The following DPP6 variants were observed in gnomAD, a reference collection of about 807,000 sequenced individuals.
DPP6 encodes the protein A-type potassium channel modulatory protein DPP6.
A neutral mutation model predicts 122.6 loss-of-function variants in DPP6; 69 were observed. The observed-to-expected ratio is 0.56, with a 90% confidence interval of 0.46 to 0.69. The LOEUF is 0.69. Ranked by LOEUF, DPP6 falls within the 30% of genes least tolerant of loss-of-function variation. DPP6 has a pLI of 0.00. For synonymous variants in DPP6, 418 were observed against 433.1 expected, an observed-to-expected ratio of 0.97 and a Z score of 0.43; for missense variants, 928 against 1,116.9, an observed-to-expected ratio of 0.83 and a Z score of 2.41.
At chr7:154,203,726 C>T (rs1461645926) in intron 1 of DPP6, among the ~76,000 whole-genome samples, 1 of 152,184 alleles carries the variant, frequency 6.6e-6, no homozygotes, top group African/African-American at 2.4e-5. Context: ...AGGCCTCTCT[C>T]TTCTGATCTG....
chr7:154,335,366 A>G (rs546157860), intron 1 of DPP6, among the ~76,000 whole-genome samples: 16 of 152,358 alleles, frequency 1.1e-4, no homozygotes, highest in African/African-American at 3.6e-4. Flanking sequence ...AATTGTGAGT[A>G]CTTATTTCAC....
chr7:153,854,370 T>C, the DPP6 span, among the ~76,000 whole-genome samples: 1 of 151,932 alleles, frequency 6.6e-6, no homozygotes, highest in Non-Finnish European at 1.5e-5. Context: ...GAATCTACAA[T>C]GAACTCCAAC....
At chr7:154,313,019 T>C (rs1157965353) in intron 1 of DPP6, among the ~76,000 whole-genome samples, 9 of 152,236 alleles carry the variant, frequency 5.9e-5, no homozygotes, top group African/African-American at 2.2e-4. Context: ...GTTATAGCAT[T>C]CACTCTAGGA....
chr7:154,500,955 C>T (rs1463179773), intron 3 of DPP6, among the ~76,000 whole-genome samples: 1 of 152,142 alleles, frequency 6.6e-6, no homozygotes, highest in Admixed American at 6.6e-5. Flanking sequence ...GCTGATAGTG[C>T]TATGGACAAT....
chr7:154,487,067 C>A (rs1468051057), intron 3 of DPP6, among the ~76,000 whole-genome samples: 1 of 152,134 alleles, frequency 6.6e-6, no homozygotes, highest in Non-Finnish European at 1.5e-5. Flanking sequence ...CAGTTTAGAC[C>A]CCGGCCAAGA....
At chr7:154,182,907 T>C (rs1798166333) in intron 1 of DPP6, among the ~76,000 whole-genome samples, 1 of 152,048 alleles carries the variant, frequency 6.6e-6, no homozygotes, top group South Asian at 2.1e-4. Flanking sequence ...TGGTTCTCAT[T>C]CTCCTTTCCT....
intron 1 of DPP6, among the ~76,000 whole-genome samples, chr7:154,351,293 G>A (rs556996037): frequency 5.3e-4 from 80 of 152,212 alleles, no homozygotes; most frequent in Admixed American, 1.1e-3. Context: ...CTGCAGTAGA[G>A]GCGGGATCCC....
At chr7:154,424,637 T>C (rs1362866827) in intron 1 of DPP6, among the ~76,000 whole-genome samples, 32 of 152,244 alleles carry the variant, frequency 2.1e-4, no homozygotes. Context: ...TTAGGAATAC[T>C]AACTCCATCT....
intron 6 of DPP6, among the ~76,000 whole-genome samples, chr7:154,644,664 G>A (rs1302367759): frequency 1.3e-5 from 2 of 151,420 alleles, no homozygotes; most frequent in Non-Finnish European, 2.9e-5. Flanking sequence ...AACTGGGGAA[G>A]CACCAGTGTG....
chr7:154,819,557 C>G (rs149296840), intron 16 of DPP6, among the ~76,000 whole-genome samples: 22 of 152,322 alleles, frequency 1.4e-4, no homozygotes, highest in African/African-American at 5.3e-4. Flanking sequence ...TGTGAGATTT[C>G]CCACTAGCCA....
chr7:154,023,318 G>GCATGCGCACACACACACACA (rs71534479), intron 1 of DPP6, among the ~76,000 whole-genome samples: 1 of 129,618 alleles, frequency 7.7e-6, no homozygotes, highest in African/African-American at 3.2e-5. Flanking sequence ...TTTCTTGTCT[G>GCATGCGCACACACACACACA]CACACACACA....
chr7:153,971,660 G>A (rs1179476933), intron 1 of DPP6, among the ~76,000 whole-genome samples: 5 of 137,968 alleles, frequency 3.6e-5, no homozygotes, highest in African/African-American at 7.9e-5. Flanking sequence ...CCTTGCATGC[G>A]TTCTATGAAT....
intron 1 of DPP6, among the ~76,000 whole-genome samples, chr7:154,290,755 T>C (rs1805155710): frequency 6.6e-6 from 1 of 152,132 alleles, no homozygotes; most frequent in African/African-American, 2.4e-5. Flanking sequence ...CCGCGGGGCT[T>C]CTTACATGAG....
At chr7:154,319,314 T>A (rs983834903) in intron 1 of DPP6, among the ~76,000 whole-genome samples, 1 of 152,248 alleles carries the variant, frequency 6.6e-6, no homozygotes, top group Non-Finnish European at 1.5e-5. Context: ...AGGTTAAAAC[T>A]CTTTTTCTCT....
At chr7:153,956,339 G>A (rs1351638938) in intron 1 of DPP6, among the ~76,000 whole-genome samples, 2 of 152,054 alleles carry the variant, frequency 1.3e-5, no homozygotes, top group Non-Finnish European at 2.9e-5. Flanking sequence ...GGACAGTAGT[G>A]CGGTTTGAGG....
Position 154,418,214 on chromosome 7 carries a change from C to T in DPP6, c.244-28000C>T, listed in dbSNP as rs186035376. Among the ~76,000 whole-genome samples, 38 of 152,342 alleles carry T rather than the reference C, an allele frequency of 2.5e-4. No individual in the cohort carries two copies. The East Asian group carries it at 7.1e-3, about 29-fold the overall frequency. On this transcript the variant is annotated intron_variant, in intron 1 of 25. Coordinates refer to ENST00000377770, the MANE Select transcript of DPP6 (RefSeq NM_130797.4). Reference sequence around the variant, plus strand: ...CTGCAGGAAGCCAACCCCAATTCCACCAGCCCTGTTCCAAATCAGGAAAAC... The same window carrying T: ...CTGCAGGAAGCCAACCCCAATTCCATCAGCCCTGTTCCAAATCAGGAAAAC...
chr7:154,779,042 A>AT (rs1796813441), intron 10 of DPP6, among the ~76,000 whole-genome samples: 1 of 138,686 alleles, frequency 7.2e-6, no homozygotes, highest in East Asian at 2.1e-4. Flanking sequence ...CACCACCACC[A>AT]CAACTACCCC....
chr7:153,887,595 A>G (rs2128991619), exon 1 of DPP6: 1 of 1,505,606 alleles, frequency 6.6e-7, no homozygotes. Context: ...TCCAGTCTTC[A>G]GCCAGTCCAG....
At chr7:154,848,877 G>T (rs1033452540) in intron 16 of DPP6, among the ~76,000 whole-genome samples, 1 of 152,170 alleles carries the variant, frequency 6.6e-6, no homozygotes, top group Non-Finnish European at 1.5e-5. Context: ...CCTTCTGCAT[G>T]TGAATAGCCA....
Sources: gnomAD v4.1 joint callset for allele counts (sites outside exome capture counted in the v4.1 genomes callset) on GRCh38, gnomAD v4.1.1 for gene constraint, MANE v1.5 for transcripts, NCBI Gene and HGNC (gene_info 2026-07-23, HGNC 2026-07-21) for gene names.